CNTNAP2: variants seen among roughly 807,000 people sequenced by gnomAD.
CNTNAP2 encodes contactin associated protein 2.
Under a neutral mutation model 155.2 loss-of-function variants are expected in CNTNAP2, and 98 were observed. That is an observed-to-expected ratio of 0.63 (90% CI 0.54 to 0.75). CNTNAP2 has a LOEUF of 0.75. CNTNAP2 is among the 30% of genes least tolerant of loss of function. The probability of loss-of-function intolerance (pLI) is 0.00; values close to 1 mark genes in which losing one functional copy is unlikely to be tolerated. For synonymous variants in CNTNAP2, 651 were observed against 631.2 expected (o/e 1.03, Z -0.47); for missense variants, 1,727 against 1,688.1 (o/e 1.02, Z -0.40).
At chr7:147,578,978 AAATT>A (rs1235198760) in intron 12 of CNTNAP2, among the ~76,000 whole-genome samples, 3 of 152,076 alleles carry the variant, frequency 2.0e-5, no homozygotes, top group African/African-American at 4.8e-5. Flanking sequence ...TATGGAGAAA[AAATT>A]AATTCAGAAA....
intron 10 of CNTNAP2, among the ~76,000 whole-genome samples, chr7:147,402,756 C>G (rs1299661561): frequency 6.6e-6 from 1 of 152,106 alleles, no homozygotes; most frequent in African/African-American, 2.4e-5. Flanking sequence ...GCTACGCCCC[C>G]TTTACTTCAG....
chr7:146,413,520 G>T (rs1204065779), intron 1 of CNTNAP2, among the ~76,000 whole-genome samples: 1 of 152,192 alleles, frequency 6.6e-6, no homozygotes, highest in Non-Finnish European at 1.5e-5. Flanking sequence ...ATCTGGGCAG[G>T]TTGAAAATAG....
chr7:148,122,363 C>G lies in CNTNAP2; in HGVS notation c.2554+4075C>G, dbSNP rs193292933. ...AACCTGACTGGCTTGACAAGGAGCG[C>G]CTCCCAGGGATGGAATGCTTTAATT... is the stretch of plus-strand genomic sequence containing the variant. On this transcript the variant is annotated intron_variant, in intron 16 of 23. Transcript: ENST00000361727. Among the ~76,000 whole-genome samples the G allele has an allele frequency of 6.5e-3, 986 of 152,272 alleles. 25 individuals carry two copies. The highest frequency in any genetic ancestry group is 0.022 in the African/African-American group (927 of 41,542).
intron 1 of CNTNAP2, among the ~76,000 whole-genome samples, chr7:146,360,629 C>T (rs1167957855): frequency 2.6e-5 from 4 of 152,118 alleles, no homozygotes; most frequent in Non-Finnish European, 5.9e-5. Flanking sequence ...CTGAAAGGTA[C>T]CTCTCAGGCT....
At chr7:146,637,167 T>C (rs1357787443) in intron 1 of CNTNAP2, among the ~76,000 whole-genome samples, 1 of 152,234 alleles carries the variant, frequency 6.6e-6, no homozygotes, top group East Asian at 1.9e-4. Context: ...TCATAAATTC[T>C]TGCAGTAGCA....
At chr7:147,260,629 C>G (rs1804440555) in intron 8 of CNTNAP2, among the ~76,000 whole-genome samples, 1 of 152,046 alleles carries the variant, frequency 6.6e-6, no homozygotes, top group South Asian at 2.1e-4. Flanking sequence ...AATTTTTTTC[C>G]TCCGTGATTT....
At chr7:146,413,493 A>G (rs1272962314) in intron 1 of CNTNAP2, among the ~76,000 whole-genome samples, 1 of 152,214 alleles carries the variant, frequency 6.6e-6, no homozygotes, top group Non-Finnish European at 1.5e-5. Flanking sequence ...AGAACAATAT[A>G]AACAAAGCTC....
intron 9 of CNTNAP2, among the ~76,000 whole-genome samples, chr7:147,368,287 A>G (rs1796279202): frequency 6.6e-6 from 1 of 151,736 alleles, no homozygotes. Flanking sequence ...CAGCTGGTCA[A>G]CTCTCTAAGC....
chr7:148,257,860 G>A (rs1175713090), intron 20 of CNTNAP2, among the ~76,000 whole-genome samples: 5 of 152,108 alleles, frequency 3.3e-5, no homozygotes. Flanking sequence ...GTCATTCACA[G>A]AGATTCCTCC....
intron 18 of CNTNAP2, among the ~76,000 whole-genome samples, chr7:148,188,371 T>C (rs17170877): frequency 0.41 from 62,079 of 151,982 alleles, 13,742 homozygotes; most frequent in Non-Finnish European, 0.48. Flanking sequence ...AGAAGGAGCA[T>C]TGAGTTTGAA....
intron 8 of CNTNAP2, among the ~76,000 whole-genome samples, chr7:147,230,333 C>T (rs996663024): frequency 6.6e-6 from 1 of 152,144 alleles, no homozygotes; most frequent in Non-Finnish European, 1.5e-5. Flanking sequence ...TCTCAGCTCA[C>T]TGCAACCTCC....
Position 146,297,771 on chromosome 7 carries a change from A to G in CNTNAP2, c.97+180798A>G, listed in dbSNP as rs142922011. ...ATACTCATAAGCATACCTTCTATAA[A>G]TAAGCACATTCTTTATGCTAGAAAG... On this transcript the variant is annotated intron_variant, in intron 1 of 23. Transcript: ENST00000361727. Among the ~76,000 whole-genome samples, 45 of 152,302 alleles carry G rather than the reference A, an allele frequency of 3.0e-4. 1 individual carries two copies. The East Asian group carries it at 8.3e-3, about 28-fold the overall frequency.
intron 1 of CNTNAP2, among the ~76,000 whole-genome samples, chr7:146,389,220 T>G (rs1795504707): frequency 9.9e-6 from 1 of 101,382 alleles, no homozygotes; most frequent in East Asian, 2.9e-4. Flanking sequence ...TTGTAGGAAA[T>G]AGTCACACAC....
At chr7:146,821,195 G>C (rs1803274674) in intron 2 of CNTNAP2, among the ~76,000 whole-genome samples, 1 of 152,074 alleles carries the variant, frequency 6.6e-6, no homozygotes, top group African/African-American at 2.4e-5. Flanking sequence ...GTGTGAATTT[G>C]GTCCTGTCAT....
intron 1 of CNTNAP2, among the ~76,000 whole-genome samples, chr7:146,607,979 C>G (rs972596803): frequency 6.6e-6 from 1 of 152,074 alleles, no homozygotes; most frequent in African/African-American, 2.4e-5. Flanking sequence ...GTAAAAAGGA[C>G]ACATTCATTT....
chr7:146,788,717 T>C (rs1008649565), intron 2 of CNTNAP2, among the ~76,000 whole-genome samples: 1 of 152,202 alleles, frequency 6.6e-6, no homozygotes, highest in East Asian at 1.9e-4. Context: ...AGCATTAACA[T>C]GTTTAAGCTT....
intron 1 of CNTNAP2, among the ~76,000 whole-genome samples, chr7:146,143,488 T>A (rs78640788): frequency 0.062 from 9,469 of 152,180 alleles, 417 homozygotes; most frequent in Non-Finnish European, 0.088. Flanking sequence ...TCCAGTCTTC[T>A]GATTGTCACT....
chr7:146,190,575 A>ATAAGAGTGTCC (rs1798688355), intron 1 of CNTNAP2, among the ~76,000 whole-genome samples: 1 of 152,204 alleles, frequency 6.6e-6, no homozygotes, highest in East Asian at 1.9e-4. Flanking sequence ...TGGCTTCAAA[A>ATAAGAGTGTCC]TAAGAGTGTC....
intron 7 of CNTNAP2, among the ~76,000 whole-genome samples, chr7:147,130,249 A>G (rs1449409055): frequency 6.6e-6 from 1 of 150,882 alleles, no homozygotes; most frequent in Non-Finnish European, 1.5e-5. Context: ...CCATGTCTCT[A>G]CAACAAGTTA....
Sources: gnomAD v4.1 joint callset for allele counts (sites outside exome capture counted in the v4.1 genomes callset) on GRCh38, gnomAD v4.1.1 for gene constraint, MANE v1.5 for transcripts, NCBI Gene and HGNC (gene_info 2026-07-23, HGNC 2026-07-21) for gene names.